Variants in SH2D4A observed in about 807,000 individuals in gnomAD.
The protein encoded by SH2D4A is SH2 domain-containing protein 4A.
SH2D4A carries 70 observed loss-of-function variants against 64.7 expected under a neutral mutation model. That is an observed-to-expected ratio of 1.08 (90% CI 0.89 to 1.32). SH2D4A has a LOEUF of 1.32. Among genes scored for constraint, SH2D4A ranks in the 40% most tolerant of loss-of-function variants. SH2D4A has a pLI of 0.00. For synonymous variants in SH2D4A, 268 were observed against 200.7 expected, an observed-to-expected ratio of 1.34 and a Z score of -2.83; for missense variants, 706 against 540.1, an observed-to-expected ratio of 1.31 and a Z score of -3.04.
intron 7 of SH2D4A, among the ~76,000 whole-genome samples, chr8:19,369,226 G>C (rs144351252): frequency 2.0e-5 from 3 of 152,124 alleles, no homozygotes; most frequent in African/African-American, 7.2e-5. Context: ...GTTGGATTTG[G>C]TTTGCTAGTA....
intron 4 of SH2D4A, among the ~76,000 whole-genome samples, chr8:19,346,132 C>T (rs1335443846): frequency 6.6e-6 from 1 of 152,232 alleles, no homozygotes; most frequent in Non-Finnish European, 1.5e-5. Flanking sequence ...TAGCACCCAA[C>T]ACAGTAGAAA....
At chr8:19,357,149 A>G in intron 4 of SH2D4A, 54 bp from the exon 5 acceptor site, 1 of 1,362,976 alleles carries the variant, frequency 7.3e-7, no homozygotes, top group South Asian at 1.2e-5. Context: ...AGATTATCTT[A>G]TGAAACTGCA....
chr8:19,358,338 A>G (rs2052826547), intron 5 of SH2D4A, among the ~76,000 whole-genome samples: 1 of 152,180 alleles, frequency 6.6e-6, no homozygotes, highest in Non-Finnish European at 1.5e-5. Flanking sequence ...TATATTCTTC[A>G]TGGGAGAGAG....
At position 19,323,557 on chromosome 8, in the gene SH2D4A, T is replaced by G. The variant is rs560606541; in HGVS notation, c.181+3829T>G. Among the ~76,000 whole-genome samples, 153 of 152,218 alleles carry G rather than the reference T, an allele frequency of 1.0e-3. 1 individual carries two copies. The highest frequency in any genetic ancestry group is 3.6e-3 in the African/African-American group (150 of 41,534). ...CAGCACACCCAGCTAATTTTTGTAT[T>G]ATTAGTAGAGATGGGGTTTCACCAT... On this transcript the variant is annotated intron_variant, in intron 2 of 9. Coordinates refer to ENST00000265807, the MANE Select transcript of SH2D4A (RefSeq NM_022071.4).
At chr8:19,378,301 C>T (rs997361930) in intron 8 of SH2D4A, among the ~76,000 whole-genome samples, 1 of 152,046 alleles carries the variant, frequency 6.6e-6, no homozygotes, top group African/African-American at 2.4e-5. Context: ...AGCTATTTTT[C>T]CTTTATAGTT....
intron 8 of SH2D4A, among the ~76,000 whole-genome samples, chr8:19,385,717 C>G (rs1286783730): frequency 6.6e-6 from 1 of 152,144 alleles, no homozygotes; most frequent in Non-Finnish European, 1.5e-5. Context: ...GATACCACCC[C>G]CAACAGAGCA....
At chr8:19,359,792 C>A (rs1197018376) in intron 5 of SH2D4A, among the ~76,000 whole-genome samples, 1 of 150,884 alleles carries the variant, frequency 6.6e-6, no homozygotes, top group Admixed American at 6.6e-5. Context: ...TGATTTATGA[C>A]TGCCCAGAGC....
chr8:19,331,274 T>C (rs2052361387), intron 2 of SH2D4A, among the ~76,000 whole-genome samples: 1 of 152,220 alleles, frequency 6.6e-6, no homozygotes, highest in African/African-American at 2.4e-5. Context: ...TTTGACTTAG[T>C]GTGAGAGGAC....
chr8:19,327,742 G>C (rs541861839), intron 2 of SH2D4A, among the ~76,000 whole-genome samples: 1 of 152,208 alleles, frequency 6.6e-6, no homozygotes, highest in Non-Finnish European at 1.5e-5. Flanking sequence ...TGGGAATGTA[G>C]CAGACACTCA....
At chr8:19,371,300 C>T (rs544558560) in intron 7 of SH2D4A, among the ~76,000 whole-genome samples, 1 of 152,128 alleles carries the variant, frequency 6.6e-6, no homozygotes, top group East Asian at 1.9e-4. Flanking sequence ...GTGGAAAAAT[C>T]TTTCTCTTTC....
At chr8:19,345,418 A>G (rs2052597782) in intron 4 of SH2D4A, among the ~76,000 whole-genome samples, 1 of 152,264 alleles carries the variant, frequency 6.6e-6, no homozygotes, top group Non-Finnish European at 1.5e-5. Flanking sequence ...AAGGGTTGCC[A>G]TACCGTTTCA....
chr8:19,326,662 G>GT lies in SH2D4A; in HGVS notation c.182-6293_182-6292insT, dbSNP rs59841447. Reference sequence around the variant, plus strand: ...CCCCACATCGTGTGTGTGTATGTGTGAGTGTGTGTGTGTGTAGTGTGTGTG... The same window carrying GT: ...CCCCACATCGTGTGTGTGTATGTGTGTAGTGTGTGTGTGTGTAGTGTGTGTG... On this transcript the variant is annotated intron_variant, in intron 2 of 9. Transcript: ENST00000265807. Among the ~76,000 whole-genome samples the GT allele has an allele frequency of 2.3e-3, 355 of 151,756 alleles. 1 individual carries two copies. The highest frequency in any genetic ancestry group is 5.0e-3 in the African/African-American group (208 of 41,190).
intron 4 of SH2D4A, among the ~76,000 whole-genome samples, chr8:19,350,511 G>A (rs144840540): frequency 3.9e-5 from 6 of 152,220 alleles, no homozygotes; most frequent in East Asian, 3.9e-4. Flanking sequence ...GAGACAGAGC[G>A]TTACTCTGTC....
At chr8:19,330,837 G>A (rs2052355943) in intron 2 of SH2D4A, among the ~76,000 whole-genome samples, 1 of 152,148 alleles carries the variant, frequency 6.6e-6, no homozygotes, top group African/African-American at 2.4e-5. Flanking sequence ...AATATTATTA[G>A]TTGGCCTGAG....
Position 19,394,984 on chromosome 8 carries a change from A to G in SH2D4A, c.*342A>G, listed in dbSNP as rs1464906013. 1 of 161,444 alleles carries G rather than the reference A, an allele frequency of 6.2e-6. No homozygotes were observed. 10.0% of individuals were successfully genotyped at this position (161,444 alleles called of 1,614,324 possible). ...GTGTACTTGAAAACGAATATCTATC[A>G]TATGACCCCTGCACTCCCTCTGTAT... On this transcript the variant is annotated 3_prime_UTR_variant, in exon 10 of 10. Transcript: ENST00000265807.
intron 8 of SH2D4A, among the ~76,000 whole-genome samples, chr8:19,389,221 A>G (rs2053442323): frequency 6.6e-6 from 1 of 152,208 alleles, no homozygotes; most frequent in Non-Finnish European, 1.5e-5. Flanking sequence ...ATTTCCAACC[A>G]GAGCCTGCTG....
At chr8:19,357,989 G>A (rs1253810604) in intron 5 of SH2D4A, among the ~76,000 whole-genome samples, 1 of 152,152 alleles carries the variant, frequency 6.6e-6, no homozygotes, top group Non-Finnish European at 1.5e-5. Flanking sequence ...ACCATGCCAT[G>A]AATTCCATGA....
At chr8:19,348,323 C>G (rs1429497810) in intron 4 of SH2D4A, among the ~76,000 whole-genome samples, 1 of 152,136 alleles carries the variant, frequency 6.6e-6, no homozygotes, top group Non-Finnish European at 1.5e-5. Flanking sequence ...TCTTGAACTT[C>G]TGGGCTCAAG....
intron 7 of SH2D4A, among the ~76,000 whole-genome samples, chr8:19,371,604 A>AT (rs112083982): frequency 0.049 from 7,492 of 151,932 alleles, 617 homozygotes; most frequent in African/African-American, 0.17. Context: ...TTGGCTATTA[A>AT]TTTTTTTCCA....
Sources: allele counts gnomAD v4.1 joint callset (sites outside exome capture counted in the v4.1 genomes callset), GRCh38; gene constraint gnomAD v4.1.1; transcripts MANE v1.5; gene names NCBI Gene and HGNC (gene_info 2026-07-23, HGNC 2026-07-21).